The following ANKRD30B variants were observed in gnomAD, a reference collection of about 807,000 sequenced individuals.
ANKRD30B encodes ankyrin repeat domain-containing protein 30B.
ANKRD30B carries 144 observed loss-of-function variants against 202.2 expected under a neutral mutation model. The ratio of observed to expected loss-of-function variants is 0.71; its 90% CI spans 0.62 to 0.82. ANKRD30B has a LOEUF of 0.82. Among genes scored for constraint, ANKRD30B ranks in the 40% least tolerant of loss-of-function variants. The pLI, the probability that ANKRD30B is intolerant of heterozygous loss-of-function variation, is 0.00. For missense variants in ANKRD30B, 1,487 were observed against 1,669.1 expected, an observed-to-expected ratio of 0.89 and a Z score of 1.90; for synonymous variants, 508 against 561.3, an observed-to-expected ratio of 0.91 and a Z score of 1.34.
chr18:14,760,710 C>A, intron 6 of ANKRD30B, 92 bp downstream of exon 6: 1 of 836,714 alleles, frequency 1.2e-6, no homozygotes, highest in Non-Finnish European at 1.9e-6. Context: ...AAGCAATGTG[C>A]AAATAGCATG....
At chr18:14,814,327 G>GA (rs1380302707) in intron 29 of ANKRD30B, among the ~76,000 whole-genome samples, 1 of 50,982 alleles carries the variant, frequency 2.0e-5, no homozygotes, top group East Asian at 4.0e-4. Flanking sequence ...ATATTTTTAA[G>GA]AGAGTTACTT....
chr18:14,848,868 G>T lies in ANKRD30B; in HGVS notation c.3334G>T (p.Glu1112Ter), dbSNP rs1293354384. The T allele has an allele frequency of 1.2e-6, 2 of 1,602,176 alleles. No homozygotes were observed. The highest frequency in any genetic ancestry group is 1.1e-5 in the South Asian group (1 of 88,668). The change falls in exon 40 of 44, where the codon GAA becomes TAA. Residue 1112 changes from glutamate (E) to a stop codon, truncating the protein, a stop_gained. Coordinates refer to ENST00000690538, the MANE Select transcript of ANKRD30B (RefSeq NM_001367607.2). LOFTEE classifies it high-confidence loss of function. The part of the protein sequence containing the change: ...VLQKELSEAK[E>*]IKSQLENQKA... ...ACAAAAGGAACTGTCAGAAGCGAAA[G>T]AAATAAAATCACAGTTAGAGAACCA...
the ANKRD30B span, among the ~76,000 whole-genome samples, chr18:14,866,805 A>G: frequency 9.9e-5 from 15 of 151,772 alleles, no homozygotes; most frequent in African/African-American, 3.1e-4. Flanking sequence ...CAGGGTCTAC[A>G]CTGCCTAAGG....
chr18:14,800,105 GC>G (rs1969217045), intron 22 of ANKRD30B, among the ~76,000 whole-genome samples: 1 of 151,194 alleles, frequency 6.6e-6, no homozygotes, highest in South Asian at 2.1e-4. Flanking sequence ...GGTGGTGGGT[GC>G]CCGTAATCTC....
chr18:14,791,210 T>C (rs572561777), intron 15 of ANKRD30B, among the ~76,000 whole-genome samples, 191 bp from the exon 16 acceptor site: 1 of 152,200 alleles, frequency 6.6e-6, no homozygotes, highest in Non-Finnish European at 1.5e-5. Flanking sequence ...TGATGGCAGT[T>C]TGTATTTCTG....
chr18:14,791,121 A>G (rs1402610308), intron 15 of ANKRD30B, among the ~76,000 whole-genome samples: 3 of 152,020 alleles, frequency 2.0e-5, no homozygotes, highest in African/African-American at 4.8e-5. Flanking sequence ...TAGTCTTGGG[A>G]GGGTGTATGT....
rs558107410 is a variant in ANKRD30B at position 14,806,401 on chromosome 18, G to C, written c.2285-2150G>C. On this transcript the variant is annotated intron_variant, in intron 24 of 43. Transcript: ENST00000690538. ...AAAAGTGAAGTAATTAAAATGCAAG[G>C]ATGCACAGCCATACATTTCAATAGC... is the stretch of plus-strand genomic sequence containing the variant. Among the ~76,000 whole-genome samples, 402 of 150,844 alleles carry C rather than the reference G, an allele frequency of 2.7e-3. 24 individuals are homozygous for C. Among genetic ancestry groups the C allele is most frequent in the African/African-American group, 9.4e-3 (384 of 40,844 alleles).
the ANKRD30B span, among the ~76,000 whole-genome samples, chr18:14,876,085 G>C: frequency 1.5e-4 from 23 of 151,930 alleles, 1 homozygote; most frequent in Admixed American, 1.5e-3. Flanking sequence ...AGCCTGGGTC[G>C]TGAGAATCCT....
chr18:14,768,164 T>C (rs1753711253), intron 7 of ANKRD30B, among the ~76,000 whole-genome samples: 3 of 152,204 alleles, frequency 2.0e-5, no homozygotes, highest in African/African-American at 4.8e-5. Context: ...ATTTTTTTTA[T>C]TCATGCCTAT....
intron 8 of ANKRD30B, among the ~76,000 whole-genome samples, chr18:14,770,238 A>G (rs1349441148): frequency 2.0e-5 from 3 of 152,074 alleles, no homozygotes; most frequent in African/African-American, 4.8e-5. Flanking sequence ...TTCTATAGCT[A>G]AAATAAAAGG....
At chr18:14,881,586 G>A in the ANKRD30B span, among the ~76,000 whole-genome samples, 3 of 152,054 alleles carry the variant, frequency 2.0e-5, no homozygotes, top group East Asian at 1.9e-4. Context: ...CTAGGGTGAC[G>A]CTGGCTTCAT....
chr18:14,939,449 G>A, the ANKRD30B span, among the ~76,000 whole-genome samples: 3 of 152,286 alleles, frequency 2.0e-5, no homozygotes, highest in South Asian at 6.2e-4. Flanking sequence ...TGGGTGACTG[G>A]GACTCCTCAC....
the ANKRD30B span, among the ~76,000 whole-genome samples, chr18:14,919,999 C>G: frequency 6.6e-6 from 1 of 152,306 alleles, no homozygotes; most frequent in East Asian, 1.9e-4. Context: ...GCCTCATCCA[C>G]AGGCTCAGCC....
the ANKRD30B span, among the ~76,000 whole-genome samples, chr18:14,881,924 A>G: frequency 6.6e-6 from 1 of 152,088 alleles, no homozygotes; most frequent in Non-Finnish European, 1.5e-5. Context: ...ATAACCTTTA[A>G]TATTTCAGTG....
the ANKRD30B span, among the ~76,000 whole-genome samples, chr18:14,891,976 A>G: frequency 6.6e-6 from 1 of 152,252 alleles, no homozygotes; most frequent in Admixed American, 6.5e-5. Flanking sequence ...GGTTGGTGCA[A>G]AAGTAATTGT....
chr18:14,835,515 T>C (rs1028640859), intron 34 of ANKRD30B, among the ~76,000 whole-genome samples: 9 of 151,692 alleles, frequency 5.9e-5, no homozygotes, highest in African/African-American at 2.2e-4. Context: ...TATTTGTTTA[T>C]TTCTAAAACT....
At chr18:14,791,040 A>G (rs928349111) in intron 15 of ANKRD30B, among the ~76,000 whole-genome samples, 4 of 152,118 alleles carry the variant, frequency 2.6e-5, no homozygotes, top group African/African-American at 9.7e-5. Context: ...TTTGGTTGGT[A>G]AGCTATTGAT....
rs774022286 is a variant in ANKRD30B at position 14,851,879 on chromosome 18, T to C, written c.3935T>C (p.Val1312Ala). Residue 1312 changes from valine to alanine, a missense_variant, in exon 42 of 44, where the codon GTC (valine) becomes GCC (alanine). This residue lies in a region of ANKRD30B where 182 missense variants were observed against 216.0 expected (regional missense o/e 0.84). Transcript: ENST00000690538. ...GCTTTACAAGACCATGATCAAAGTG[T>C]CACATCAAGAAAAAACCAAGAACTT... Reference protein sequence around the residue: ...ASALQDHDQSVTSRKNQELAF... With the variant: ...ASALQDHDQSATSRKNQELAF... 1.4e-5 allele frequency: 23 copies of C among 1,589,214 alleles called. No individual in the cohort carries two copies. The South Asian group carries it at 2.6e-4, about 18-fold the overall frequency.
chr18:14,817,809 C>T (rs1157126355), intron 30 of ANKRD30B, among the ~76,000 whole-genome samples: 2 of 152,084 alleles, frequency 1.3e-5, no homozygotes, highest in East Asian at 1.9e-4. Context: ...CGAGAATGAC[C>T]TTCTCATCAT....
Sources: allele counts gnomAD v4.1 joint callset (sites outside exome capture counted in the v4.1 genomes callset), GRCh38; gene constraint gnomAD v4.1.1; regional missense constraint gnomAD v4.1.1; transcripts MANE v1.5; gene names NCBI Gene and HGNC (gene_info 2026-07-23, HGNC 2026-07-21).